The following FARP1 variants were observed in gnomAD, a reference collection of about 807,000 sequenced individuals.
FARP1 encodes FERM, ARH/RhoGEF and pleckstrin domain protein 1, also known as FERM, ARHGEF and pleckstrin domain-containing protein 1.
Under a neutral mutation model 128.8 loss-of-function variants are expected in FARP1, and 52 were observed. The ratio of observed to expected loss-of-function variants is 0.40; its 90% CI spans 0.32 to 0.51. The LOEUF is 0.51. FARP1 is among the 20% of genes least tolerant of loss of function. The probability of loss-of-function intolerance (pLI) is 0.45; values close to 1 mark genes in which losing one functional copy is unlikely to be tolerated. For synonymous variants in FARP1, 580 were observed against 551.8 expected, an observed-to-expected ratio of 1.05 and a Z score of -0.72; for missense variants, 1,333 against 1,367.9, an observed-to-expected ratio of 0.97 and a Z score of 0.40.
At chr13:98,334,795 A>G (rs1887673035) in intron 2 of FARP1, among the ~76,000 whole-genome samples, 1 of 152,230 alleles carries the variant, frequency 6.6e-6, no homozygotes, top group African/African-American at 2.4e-5. Context: ...TCACTCAGCC[A>G]TGTGAGGACA....
intron 2 of FARP1, among the ~76,000 whole-genome samples, chr13:98,298,880 A>G (rs1885809787): frequency 6.6e-6 from 1 of 152,206 alleles, no homozygotes; most frequent in South Asian, 2.1e-4. Flanking sequence ...AGCAGGCTTT[A>G]GGAATGTATT....
intron 2 of FARP1, among the ~76,000 whole-genome samples, chr13:98,262,639 G>A (rs543504197): frequency 1.5e-4 from 23 of 152,306 alleles, no homozygotes; most frequent in Admixed American, 1.2e-3. Flanking sequence ...TTGGAATACC[G>A]AATGGTCATA....
chr13:98,159,933 C>T (rs1876761355), intron 1 of FARP1, among the ~76,000 whole-genome samples: 1 of 152,180 alleles, frequency 6.6e-6, no homozygotes, highest in South Asian at 2.1e-4. Flanking sequence ...TGGTCAATCA[C>T]CAGACGATTT....
intron 2 of FARP1, among the ~76,000 whole-genome samples, chr13:98,256,868 GTTT>G (rs61649881): frequency 3.4e-4 from 38 of 113,086 alleles, no homozygotes; most frequent in African/African-American, 1.2e-3. Flanking sequence ...CCTTACTACA[GTTT>G]TTTTTTTTTT....
chr13:98,178,376 A>C (rs1406845603), intron 1 of FARP1, among the ~76,000 whole-genome samples: 1 of 151,866 alleles, frequency 6.6e-6, no homozygotes. Flanking sequence ...CTGTGTTTTT[A>C]GTAGCGACAG....
intron 3 of FARP1, among the ~76,000 whole-genome samples, chr13:98,356,621 T>TTGTATTTATTTA (rs1555340014): frequency 6.9e-6 from 1 of 144,304 alleles, no homozygotes; most frequent in Non-Finnish European, 1.5e-5. Context: ...CCTTTTAAAA[T>TTGTATTTATTTA]TTTATTTATT....
intron 2 of FARP1, among the ~76,000 whole-genome samples, chr13:98,336,250 C>CGTTT (rs1162894104): frequency 6.6e-6 from 1 of 151,870 alleles, no homozygotes; most frequent in African/African-American, 2.4e-5. Flanking sequence ...TGTTTTTGTT[C>CGTTT]GTTTGTTTGT....
chr13:98,330,182 A>G (rs1043028753), intron 2 of FARP1, among the ~76,000 whole-genome samples: 11 of 152,050 alleles, frequency 7.2e-5, no homozygotes, highest in Admixed American at 3.3e-4. Context: ...CTGGCTGGAG[A>G]GGAGTGAGCC....
At chr13:98,233,402 C>G (rs907605663) in intron 2 of FARP1, among the ~76,000 whole-genome samples, 4 of 151,976 alleles carry the variant, frequency 2.6e-5, no homozygotes, top group African/African-American at 9.7e-5. Context: ...CGTGAGAACT[C>G]TCCAGAATGT....
intron 1 of FARP1, among the ~76,000 whole-genome samples, chr13:98,197,856 C>T (rs1258292359): frequency 1.3e-5 from 2 of 151,924 alleles, no homozygotes; most frequent in African/African-American, 2.4e-5. Context: ...AGGATGGTCT[C>T]GATCTCCTGA....
intron 2 of FARP1, among the ~76,000 whole-genome samples, chr13:98,339,717 T>C (rs890188291): frequency 1.3e-5 from 2 of 152,184 alleles, no homozygotes; most frequent in Non-Finnish European, 2.9e-5. Context: ...CTATAAAAAT[T>C]TGGTGCCAAA....
At position 98,448,706 on chromosome 13, in the gene FARP1, GGCT is replaced by G. The variant is rs1489936339; in HGVS notation, c.*395_*397del. ...CTTTCTTTTATTATTTTCACCTATT[GGCT>G]GCTGCATTTTACGAAGTGGACTTCC... is the stretch of plus-strand genomic sequence containing the variant. On this transcript the variant is annotated 3_prime_UTR_variant, in exon 27 of 27. Coordinates refer to ENST00000319562, the MANE Select transcript of FARP1 (RefSeq NM_005766.4). 6.0e-6 allele frequency: 1 copy of G among 166,686 alleles called. No individual in the cohort carries two copies. 10.3% of individuals were successfully genotyped at this position (166,686 alleles called of 1,614,324 possible).
chr13:98,274,811 C>G (rs533471495), intron 2 of FARP1, among the ~76,000 whole-genome samples: 1 of 152,248 alleles, frequency 6.6e-6, no homozygotes, highest in African/African-American at 2.4e-5. Context: ...AAGCTGGTAC[C>G]AGTATCCTTC....
intron 1 of FARP1, among the ~76,000 whole-genome samples, chr13:98,173,108 C>G (rs1384666928): frequency 6.6e-6 from 1 of 152,130 alleles, no homozygotes; most frequent in African/African-American, 2.4e-5. Context: ...ATAAAAAAGG[C>G]AAACCGAATC....
At chr13:98,183,468 C>T (rs576410578) in intron 1 of FARP1, among the ~76,000 whole-genome samples, 3 of 152,264 alleles carry the variant, frequency 2.0e-5, no homozygotes, top group South Asian at 2.1e-4. Flanking sequence ...CTGTTACCTT[C>T]GTTTTTCAGG....
At chr13:98,369,717 A>G (rs1428479530) in intron 5 of FARP1, among the ~76,000 whole-genome samples, 1 of 151,698 alleles carries the variant, frequency 6.6e-6, no homozygotes, top group Non-Finnish European at 1.5e-5. Flanking sequence ...ATGGCTGCAT[A>G]GTATTCCATG....
chr13:98,164,233 T>C (rs528251860), intron 1 of FARP1, among the ~76,000 whole-genome samples: 2 of 152,332 alleles, frequency 1.3e-5, no homozygotes, highest in African/African-American at 4.8e-5. Flanking sequence ...ATTTGTTAAT[T>C]TGCGGGCCAC....
intron 8 of FARP1, among the ~76,000 whole-genome samples, chr13:98,386,843 A>G (rs976549744): frequency 6.6e-6 from 1 of 152,188 alleles, no homozygotes; most frequent in Non-Finnish European, 1.5e-5. Flanking sequence ...TTCATGCACC[A>G]GAAGTTTATG....
At position 98,393,649 on chromosome 13, in the gene FARP1, C is replaced by T. The variant is rs779307754; in HGVS notation, c.1095C>T (p.His365=). ...GHKKVQFERK[H]SKIHSIRSLA... is the part of the protein sequence containing the mutation. ...CTTGTGTGATTTTTCCCAGGAAGCA[C>T]AGCAAGATTCATTCTATCCGGAGCC... is the stretch of plus-strand genomic sequence containing the variant. The change falls in exon 12 of 27, where the codon CAC becomes CAT. Residue 365 remains histidine, a synonymous_variant. Coordinates refer to ENST00000319562, the MANE Select transcript of FARP1 (RefSeq NM_005766.4). The T allele has an allele frequency of 2.5e-6, 4 of 1,613,354 alleles. No homozygotes were observed. Among genetic ancestry groups the T allele is most frequent in the Non-Finnish European group, 2.5e-6 (3 of 1,179,284 alleles).
Sources: gnomAD v4.1 joint callset for allele counts (sites outside exome capture counted in the v4.1 genomes callset) on GRCh38, gnomAD v4.1.1 for gene constraint, MANE v1.5 for transcripts, NCBI Gene and HGNC (gene_info 2026-07-23, HGNC 2026-07-21) for gene names.